The following BTAF1 variants were observed in gnomAD, a reference collection of about 807,000 sequenced individuals.
BTAF1 encodes B-TFIID TATA-box binding protein associated factor 1.
In BTAF1, 38 loss-of-function variants were observed where a neutral mutation model predicts 227.1. The ratio of observed to expected loss-of-function variants is 0.17; its 90% CI spans 0.13 to 0.22. BTAF1 has a LOEUF of 0.22. Ranked by LOEUF, BTAF1 falls within the 10% of genes least tolerant of loss-of-function variation. BTAF1 has a pLI of 1.00. For missense variants in BTAF1, 1,598 were observed against 2,204.0 expected (o/e 0.73, Z 5.51); for synonymous variants, 742 against 751.9 (o/e 0.99, Z 0.21).
intron 1 of BTAF1, among the ~76,000 whole-genome samples, chr10:91,929,192 G>A (rs1844093303): frequency 6.6e-6 from 1 of 152,140 alleles, no homozygotes; most frequent in Non-Finnish European, 1.5e-5. Context: ...GCTTGTTTTT[G>A]CTACCTTTGC....
intron 34 of BTAF1, among the ~76,000 whole-genome samples, chr10:92,019,880 T>C (rs921875349): frequency 3.0e-5 from 4 of 131,852 alleles, no homozygotes; most frequent in Non-Finnish European, 6.3e-5. Context: ...AAGTTTTGTT[T>C]TGTTGTTGCT....
chr10:92,024,166 A>G (rs965938003), intron 34 of BTAF1, among the ~76,000 whole-genome samples: 1 of 152,224 alleles, frequency 6.6e-6, no homozygotes, highest in South Asian at 2.1e-4. Flanking sequence ...TGGTCTACAG[A>G]TAGAGTAATA....
intron 32 of BTAF1, among the ~76,000 whole-genome samples, 184 bp downstream of exon 32, chr10:92,014,213 G>T (rs979421359): frequency 1.3e-5 from 2 of 151,992 alleles, no homozygotes; most frequent in Non-Finnish European, 2.9e-5. Flanking sequence ...ACAAAATTCA[G>T]TATCATAGTT....
chr10:92,017,504 TTTTTG>T (rs755372053), intron 33 of BTAF1, among the ~76,000 whole-genome samples: 1 of 151,758 alleles, frequency 6.6e-6, no homozygotes, highest in Non-Finnish European at 1.5e-5. Context: ...GAAGATCTAG[TTTTTG>T]TTTTGTTTTG....
At position 91,962,906 on chromosome 10, in the gene BTAF1, G is replaced by T. The variant is rs186018671; in HGVS notation, c.1404+228G>T. On this transcript the variant is annotated intron_variant, in intron 12 of 37. Transcript: ENST00000265990. The stretch of plus-strand genomic sequence containing the variant: ...TACATAATATATAGGGAACTTCCTT[G>T]AGAAGAATGCAGCCATTTCTTCCTA... 2.3e-3 allele frequency among the ~76,000 whole-genome samples: 349 copies of T among 151,808 alleles called. 1 individual carries two copies. Among genetic ancestry groups the T allele is most frequent in the African/African-American group, 8.2e-3 (340 of 41,382 alleles).
At chr10:91,966,452 A>G (rs935184625) in intron 13 of BTAF1, among the ~76,000 whole-genome samples, 185 bp from the exon 14 acceptor site, 11 of 152,204 alleles carry the variant, frequency 7.2e-5, no homozygotes, top group Admixed American at 6.5e-5. Context: ...TGTTGCTACG[A>G]TAACAGTTGT....
chr10:91,975,030 A>C (rs986771599), intron 14 of BTAF1, among the ~76,000 whole-genome samples: 1 of 152,172 alleles, frequency 6.6e-6, no homozygotes, highest in South Asian at 2.1e-4. Flanking sequence ...ATTAATATAT[A>C]TATCTATCAG....
At chr10:92,002,891 G>A (rs1438427519) in intron 25 of BTAF1, among the ~76,000 whole-genome samples, 2 of 152,088 alleles carry the variant, frequency 1.3e-5, no homozygotes, top group African/African-American at 4.8e-5. Context: ...TGAGCATGGT[G>A]GCTCACGCCT....
chr10:91,954,914 G>C (rs572847829), intron 6 of BTAF1, among the ~76,000 whole-genome samples: 2 of 152,160 alleles, frequency 1.3e-5, no homozygotes, highest in East Asian at 3.8e-4. Context: ...CTTTAGTGGT[G>C]CTCAGGAAAT....
At position 91,997,660 on chromosome 10, in the gene BTAF1, C is replaced by T. The variant is rs765723041; in HGVS notation, c.3569C>T (p.Pro1190Leu). 6.2e-7 allele frequency: 1 copy of T among 1,613,846 alleles called. No individual in the cohort carries two copies. Among genetic ancestry groups the T allele is most frequent in the Non-Finnish European group, 8.5e-7 (1 of 1,179,852 alleles). ...CCATATATTGTCCTTTTAGTTGTTC[C>T]TGTATTAGGAAGAATGAGTGATCAG... ...IVPYIVLLVV[P>L]VLGRMSDQTD... Residue 1190 changes from proline to leucine, a missense_variant, in exon 25 of 38, where the codon CCT becomes CTT. Pro to Leu is a moderately conservative substitution (Grantham distance 98, BLOSUM62 -3). This residue lies in a region of BTAF1 where 425 missense variants were observed against 491.2 expected (regional missense o/e 0.87). Coordinates refer to ENST00000265990, the MANE Select transcript of BTAF1 (RefSeq NM_003972.3).
chr10:92,007,520 G>A (rs1018570694), intron 25 of BTAF1, among the ~76,000 whole-genome samples: 4 of 152,134 alleles, frequency 2.6e-5, no homozygotes, highest in South Asian at 2.1e-4. Context: ...ACCATGCCTC[G>A]CTTATCAAGG....
At chr10:92,011,700 A>G (rs1281344111) in intron 30 of BTAF1, among the ~76,000 whole-genome samples, 1 of 152,188 alleles carries the variant, frequency 6.6e-6, no homozygotes, top group Non-Finnish European at 1.5e-5. Context: ...CACACTGGCC[A>G]TTCTCCTTCC....
intron 22 of BTAF1, 36 bp downstream of exon 22, chr10:91,993,883 A>G: frequency 6.7e-7 from 1 of 1,492,700 alleles, no homozygotes; most frequent in Non-Finnish European, 9.1e-7. Context: ...GTTTTTAACA[A>G]ATTTTAATGT....
At position 91,966,768 on chromosome 10, in the gene BTAF1, A is replaced by G. The variant is rs374864150; in HGVS notation, c.1650+11A>G. The G allele has an allele frequency of 1.9e-6, 3 of 1,611,412 alleles. No homozygotes were observed. Among genetic ancestry groups the G allele is most frequent in the African/African-American group, 2.7e-5 (2 of 74,886 alleles). On this transcript the variant is annotated intron_variant, in intron 14 of 37. Transcript: ENST00000265990. ...TCAACACAGGACCAGGTAAGAACTG[A>G]TAACTATAGCAGTCTTGAAACTTAT...
intron 25 of BTAF1, among the ~76,000 whole-genome samples, chr10:92,001,025 C>T (rs889763840): frequency 1.3e-5 from 2 of 152,164 alleles, no homozygotes; most frequent in East Asian, 1.9e-4. Context: ...GATTTATCCT[C>T]CTGCCTTAAC....
rs545281212 is a variant in BTAF1, at chr10:91,989,115, A to T, written c.2428-39A>T. ...GGAGCTTACAGTCTATTTGGGGTTG[A>T]TATGATTAATGATTTTTAATTTCTT... On this transcript the variant is annotated intron_variant, in intron 19 of 37. Transcript: ENST00000265990. 7 of 1,523,706 alleles carry T rather than the reference A, an allele frequency of 4.6e-6. No homozygotes were observed. In the East Asian group the frequency reaches 1.6e-4, roughly 35 times the overall value. 94.4% of individuals were successfully genotyped at this position (1,523,706 alleles called of 1,614,324 possible). A position where few individuals can be genotyped will look rare whatever the true frequency, so the allele number is the denominator to read the frequency against.
intron 1 of BTAF1, among the ~76,000 whole-genome samples, chr10:91,933,066 C>T (rs1254571547): frequency 1.3e-5 from 2 of 152,166 alleles, no homozygotes; most frequent in Admixed American, 6.5e-5. Flanking sequence ...GGGGATCTGG[C>T]AGAAACTGGC....
In BTAF1 at chr10:91,994,570, G is replaced by C. The variant is rs752273858; in HGVS notation, c.3235G>C (p.Ala1079Pro). The change falls in exon 23 of 38, where the codon GCT becomes CCT. Residue 1079 changes from alanine (A) to proline (P), a missense_variant. Physicochemically the swap from Ala to Pro is conservative, Grantham distance 27. Transcript: ENST00000265990. ...CCTCCTGGATAAGGGAGATAGCCCT[G>C]CTCAAGAATTGGTGAATTCTCTGCA... ...KSLLDKGDSP[A>P]QELVNSLQVF... 1.2e-6 allele frequency: 2 copies of C among 1,613,784 alleles called. No homozygotes were observed. Among genetic ancestry groups the C allele is most frequent in the African/African-American group, 1.3e-5 (1 of 74,916 alleles).
In BTAF1 at chr10:91,957,384, C is replaced by CTAT. The variant is rs1388245794; in HGVS notation, c.900+93_900+95dup. The stretch of plus-strand genomic sequence containing the variant: ...AGAGCAATATACTTTGTCAGAGTCC[C>CTAT]TATTCTTCTCTGTTTGTCTCAGGAC... On this transcript the variant is annotated intron_variant, in intron 8 of 37. Transcript: ENST00000265990. The CTAT allele has an allele frequency of 5.0e-6, 5 of 1,003,018 alleles. No individual in the cohort carries two copies. In the East Asian group the frequency reaches 1.2e-4, roughly 25 times the overall value. The allele number at this position is 1,003,018 out of a possible 1,614,324, so 62.1% of individuals were successfully genotyped here. A position where few individuals can be genotyped will look rare whatever the true frequency, so the allele number is the denominator to read the frequency against.
Sources: gnomAD v4.1 joint callset for allele counts (sites outside exome capture counted in the v4.1 genomes callset) on GRCh38, gnomAD v4.1.1 for gene constraint, gnomAD v4.1.1 regional missense constraint, MANE v1.5 for transcripts, NCBI Gene and HGNC (gene_info 2026-07-23, HGNC 2026-07-21) for gene names.